Variants in LONRF2 observed in about 807,000 individuals in gnomAD.
LONRF2 encodes LON peptidase N-terminal domain and RING finger protein 2.
In LONRF2, 35 loss-of-function variants were observed where a neutral mutation model predicts 66.6. The ratio of observed to expected loss-of-function variants is 0.53; its 90% CI spans 0.40 to 0.70. The LOEUF is 0.70. Among genes scored for constraint, LONRF2 ranks in the 30% least tolerant of loss-of-function variants. LONRF2 has a pLI of 0.00. For synonymous variants in LONRF2, 417 were observed against 418.1 expected, an observed-to-expected ratio of 1.00 and a Z score of 0.03; for missense variants, 902 against 1,002.1, an observed-to-expected ratio of 0.90 and a Z score of 1.35.
chr2:100,291,581 T>A (rs1018632643), intron 9 of LONRF2, among the ~76,000 whole-genome samples: 1 of 151,924 alleles, frequency 6.6e-6, no homozygotes, highest in Admixed American at 6.6e-5. Context: ...TTAAAATGAC[T>A]CCAAAAGAAG....
At chr2:100,299,961 T>A in intron 4 of LONRF2, 43 bp from the exon 5 acceptor site, 1 of 1,173,860 alleles carries the variant, frequency 8.5e-7, no homozygotes, top group Non-Finnish European at 1.2e-6. Flanking sequence ...ATTAAAGAAA[T>A]CATAGCATAA....
chr2:100,321,679 C>A lies in LONRF2; in HGVS notation c.415G>T (p.Asp139Tyr). ...GPAPEPRAPR[D>Y]LLGCPRCRRL... is the part of the protein sequence containing the mutation. ...CGGCAGCGCGGGCAGCCGAGCAGGT[C>A]GCGGGGCGCGCGGGGCTCCGGGGCC... The change falls in exon 1 of 12, where the codon GAC (aspartate) becomes TAC (tyrosine). Residue 139 changes from aspartate (D) to tyrosine (Y), a missense_variant. Physicochemically the swap from Asp to Tyr is radical, Grantham distance 160 (BLOSUM62 -3). Around this residue, in one of 2 missense-constraint regions of LONRF2, gnomAD observed 585 missense variants for 569.9 expected, o/e 1.03. Coordinates refer to ENST00000393437, the MANE Select transcript of LONRF2 (RefSeq NM_198461.4). 8.0e-7 allele frequency: 1 copy of A among 1,246,702 alleles called. No individual in the cohort carries two copies. The highest frequency in any genetic ancestry group is 3.2e-5 in the South Asian group (1 of 31,630). The allele number at this position is 1,246,702 out of a possible 1,614,324, so 77.2% of individuals were successfully genotyped here. A position where few individuals can be genotyped will look rare whatever the true frequency, so the allele number is the denominator to read the frequency against.
rs974683343 is a variant in LONRF2, at chr2:100,282,385, A to G, written c.*1913T>C. 2 of 152,268 alleles carry G rather than the reference A, an allele frequency of 1.3e-5. No homozygotes were observed. The highest frequency in any genetic ancestry group is 4.8e-5 in the African/African-American group (2 of 41,476). 9.4% of individuals were successfully genotyped at this position (152,268 alleles called of 1,614,324 possible). On this transcript the variant is annotated 3_prime_UTR_variant, in exon 12 of 12. Transcript: ENST00000393437. ...TTAGATACTTCCAAATGGAAATGGC[A>G]TTGATAACTATTCAGCTGTGATATG...
chr2:100,306,817 C>T (rs972832878), intron 2 of LONRF2, among the ~76,000 whole-genome samples: 9 of 152,166 alleles, frequency 5.9e-5, no homozygotes, highest in African/African-American at 9.7e-5. Flanking sequence ...CCTTACCTTA[C>T]CTTCCAATGG....
intron 2 of LONRF2, among the ~76,000 whole-genome samples, chr2:100,308,244 C>T (rs1326079028): frequency 2.6e-5 from 4 of 152,016 alleles, no homozygotes; most frequent in South Asian, 4.2e-4. Context: ...GTAGCACGCA[C>T]CTGTAGTCCC....
At chr2:100,286,258 G>A (rs761438851) in intron 11 of LONRF2, among the ~76,000 whole-genome samples, 50 of 152,286 alleles carry the variant, frequency 3.3e-4, no homozygotes, top group Middle Eastern at 3.4e-3. Context: ...GTCTTTGACA[G>A]CTGAGCATCC....
At chr2:100,307,720 G>C (rs1675326387) in intron 2 of LONRF2, among the ~76,000 whole-genome samples, 1 of 152,156 alleles carries the variant, frequency 6.6e-6, no homozygotes, top group South Asian at 2.1e-4. Context: ...CTTGAAAACT[G>C]CTAGGAGAAT....
At chr2:100,310,891 T>C (rs1343280275) in intron 1 of LONRF2, among the ~76,000 whole-genome samples, 1 of 152,238 alleles carries the variant, frequency 6.6e-6, no homozygotes, top group Non-Finnish European at 1.5e-5. Context: ...TTAAGTACTT[T>C]TTTGTAATAC....
At chr2:100,316,200 T>C (rs1675502126) in intron 1 of LONRF2, among the ~76,000 whole-genome samples, 2 of 151,332 alleles carry the variant, frequency 1.3e-5, no homozygotes. Flanking sequence ...GTGCCTGTAG[T>C]CCCAGCTACT....
chr2:100,308,247 G>A (rs1194276247), intron 2 of LONRF2, among the ~76,000 whole-genome samples: 2 of 152,068 alleles, frequency 1.3e-5, no homozygotes, highest in African/African-American at 4.8e-5. Flanking sequence ...GCACGCACCT[G>A]TAGTCCCAGC....
At chr2:100,290,447 T>A (rs537309201) in intron 9 of LONRF2, 27 bp from the exon 10 acceptor site, 30 of 1,583,192 alleles carry the variant, frequency 1.9e-5, no homozygotes, top group Non-Finnish European at 2.5e-5. Context: ...GAGAAATGAC[T>A]GTGATTTTTA....
At chr2:100,295,633 G>A in intron 7 of LONRF2, 80 bp from the exon 8 acceptor site, 3 of 1,420,794 alleles carry the variant, frequency 2.1e-6, no homozygotes, top group East Asian at 2.4e-5. Flanking sequence ...AGGTGAACAA[G>A]GAGGTGGTGG....
chr2:100,315,803 G>A (rs1055562061), intron 1 of LONRF2, among the ~76,000 whole-genome samples: 9 of 152,080 alleles, frequency 5.9e-5, no homozygotes, highest in African/African-American at 1.9e-4. Context: ...TATTTTTCCT[G>A]TCTTGTTACT....
At position 100,300,025 on chromosome 2, in the gene LONRF2, G is replaced by GGA. The variant is rs1573117561; in HGVS notation, c.1066-108_1066-107insTC. On this transcript the variant is annotated intron_variant, in intron 4 of 11. Transcript: ENST00000393437. Reference sequence around the variant, plus strand: ...GAAATCTTTGGAAAAAAAAAGGGGGGGGCATACACTCTTCTTCATAATTGG... The same window carrying GGA: ...GAAATCTTTGGAAAAAAAAAGGGGGGGAGGCATACACTCTTCTTCATAATTGG... 73 of 518,304 alleles carry GGA rather than the reference G, an allele frequency of 1.4e-4. 19 individuals are homozygous for GGA. The East Asian group carries it at 2.9e-3, about 21-fold the overall frequency. 32.1% of individuals were successfully genotyped at this position (518,304 alleles called of 1,614,324 possible).
rs188970726 is a variant in LONRF2 at position 100,283,018 on chromosome 2, G to A, written c.*1280C>T. On this transcript the variant is annotated 3_prime_UTR_variant, in exon 12 of 12. Transcript: ENST00000393437. ...CAAAACTTGCAGCTGTGATGTGGTC[G>A]TGACCCTCTGGTTAAGAATGTCCAC... 31 of 152,190 alleles carry A rather than the reference G, an allele frequency of 2.0e-4. No individual in the cohort carries two copies. Among genetic ancestry groups the A allele is most frequent in the African/African-American group, 6.7e-4 (28 of 41,512 alleles). The allele number at this position is 152,190 out of a possible 1,614,324, so 9.4% of individuals were successfully genotyped here.
Position 100,299,212 on chromosome 2 carries a change from C to A in LONRF2, c.1361+14G>T. ...CAGTTTTAAAAGAGTTGCACGGATTCTGTACCATCCTACCTCATGCAGAGG... is the reference window on the plus strand; with the variant it reads ...CAGTTTTAAAAGAGTTGCACGGATTATGTACCATCCTACCTCATGCAGAGG... On this transcript the variant is annotated intron_variant, in intron 6 of 11. Coordinates refer to ENST00000393437, the MANE Select transcript of LONRF2 (RefSeq NM_198461.4). 6.5e-7 allele frequency: 1 copy of A among 1,543,850 alleles called. No homozygotes were observed. Among genetic ancestry groups the A allele is most frequent in the South Asian group, 1.2e-5 (1 of 81,576 alleles).
chr2:100,293,999 G>T (rs1465769501), intron 9 of LONRF2, among the ~76,000 whole-genome samples: 1 of 152,174 alleles, frequency 6.6e-6, no homozygotes, highest in Admixed American at 6.5e-5. Context: ...CAAGAGAAGG[G>T]CAAGTAGCAT....
Position 100,322,013 on chromosome 2 carries a change from T to G in LONRF2, c.81A>C (p.Leu27Phe). 1 of 1,428,330 alleles carries G rather than the reference T, an allele frequency of 7.0e-7. No homozygotes were observed. The highest frequency in any genetic ancestry group is 9.2e-7 in the Non-Finnish European group (1 of 1,092,710). The allele number at this position is 1,428,330 out of a possible 1,614,324, so 88.5% of individuals were successfully genotyped here. The stretch of plus-strand genomic sequence containing the variant: ...CGCGGAAGGCCTCGTCGCCCTCCTC[T>G]AAGCGCTGGGCGATCGGCTCCGCGC... The part of the protein sequence containing the change: ...CDRAEPIAQR[L>F]EEGDEAFRAG... Residue 27 changes from leucine (L) to phenylalanine (F), a missense_variant, in exon 1 of 12, where the codon TTA (leucine) becomes TTC (phenylalanine). This residue lies in a region of LONRF2 where 585 missense variants were observed against 569.9 expected (regional missense o/e 1.03). Transcript: ENST00000393437.
intron 1 of LONRF2, among the ~76,000 whole-genome samples, chr2:100,319,555 C>T (rs1267997173): frequency 6.6e-6 from 1 of 152,142 alleles, no homozygotes; most frequent in Admixed American, 6.5e-5. Context: ...TTCTAACATC[C>T]TACAGTAATT....
Sources: gnomAD v4.1 joint callset for allele counts (sites outside exome capture counted in the v4.1 genomes callset) on GRCh38, gnomAD v4.1.1 for gene constraint, gnomAD v4.1.1 regional missense constraint, MANE v1.5 for transcripts, NCBI Gene and HGNC (gene_info 2026-07-23, HGNC 2026-07-21) for gene names.